The following GPM6A variants were observed in gnomAD, a reference collection of about 807,000 sequenced individuals.
The protein encoded by GPM6A is neuronal membrane glycoprotein M6-a.
GPM6A carries 7 observed loss-of-function variants against 32.1 expected under a neutral mutation model. The ratio of observed to expected loss-of-function variants is 0.22; its 90% CI spans 0.12 to 0.41. The LOEUF (loss-of-function observed/expected upper bound fraction) is 0.41, where lower values mean the gene tolerates loss of function less well. Among genes scored for constraint, GPM6A ranks in the 10% least tolerant of loss-of-function variants. GPM6A has a pLI of 1.00. For missense variants in GPM6A, 235 were observed against 347.2 expected (o/e 0.68, Z 2.57); for synonymous variants, 130 against 123.4 (o/e 1.05, Z -0.35).
At chr4:175,758,352 C>G (rs1579466515) in intron 1 of GPM6A, among the ~76,000 whole-genome samples, 1 of 152,108 alleles carries the variant, frequency 6.6e-6, no homozygotes, top group African/African-American at 2.4e-5. Flanking sequence ...TCAACAGTAG[C>G]ATTTTTACGA....
chr4:175,816,832 A>C (rs888328034), upstream of GPM6A, among the ~76,000 whole-genome samples: 3 of 151,498 alleles, frequency 2.0e-5, no homozygotes, highest in Non-Finnish European at 2.9e-5. Flanking sequence ...TCAGAAACTG[A>C]CTTTCATAAC....
At chr4:175,921,562 C>T (rs560662846) in intron 1 of GPM6A, among the ~76,000 whole-genome samples, 7 of 152,170 alleles carry the variant, frequency 4.6e-5, no homozygotes, top group Admixed American at 2.0e-4. Context: ...TCATAACCTG[C>T]TAAATAAGAT....
chr4:175,833,594 G>A (rs1449007076), intron 1 of GPM6A, among the ~76,000 whole-genome samples: 1 of 152,092 alleles, frequency 6.6e-6, no homozygotes, highest in Non-Finnish European at 1.5e-5. Context: ...TCAGCTTCGT[G>A]TTGTTCCCAG....
In GPM6A at chr4:175,771,481, G is replaced by C. The variant is rs571536049; in HGVS notation, c.37+40710C>G. On this transcript the variant is annotated intron_variant, in intron 1 of 6. Transcript: ENST00000393658. ...AGCTACTGAGGAGGCTGAGGCGGGA[G>C]AATCACTTGAACCTGGGAGGCAGAG... Among the ~76,000 whole-genome samples, 296 of 144,752 alleles carry C rather than the reference G, an allele frequency of 2.0e-3. 1 individual carries two copies. Among genetic ancestry groups the C allele is most frequent in the Non-Finnish European group, 3.0e-3 (198 of 67,062 alleles). 95.0% of individuals were successfully genotyped at this position (144,752 alleles called of 152,430 possible).
chr4:175,681,280 T>G (rs1486177192), intron 2 of GPM6A, among the ~76,000 whole-genome samples: 1 of 152,186 alleles, frequency 6.6e-6, no homozygotes, highest in African/African-American at 2.4e-5. Flanking sequence ...AGCTTTTAAA[T>G]TGTTGCTAAT....
intron 1 of GPM6A, among the ~76,000 whole-genome samples, chr4:175,838,997 A>G (rs576848722): frequency 6.6e-6 from 1 of 152,148 alleles, no homozygotes; most frequent in East Asian, 1.9e-4. Flanking sequence ...AATGGATCTG[A>G]CTTCAGGAAT....
chr4:175,787,315 C>G, intron 1 of GPM6A: 1 of 1,460,456 alleles, frequency 6.8e-7, no homozygotes, highest in Non-Finnish European at 9.3e-7. Context: ...ATACTCCCAC[C>G]AAAGTCACCC....
intron 1 of GPM6A, among the ~76,000 whole-genome samples, chr4:175,848,519 G>T (rs1438770139): frequency 2.0e-5 from 3 of 152,076 alleles, no homozygotes; most frequent in African/African-American, 7.2e-5. Flanking sequence ...AGTTGTAATA[G>T]ATGCCTTTAG....
intron 6 of GPM6A, among the ~76,000 whole-genome samples, chr4:175,637,310 A>AT (rs1740751028): frequency 2.0e-4 from 5 of 25,464 alleles, no homozygotes; most frequent in African/African-American, 6.7e-4. Flanking sequence ...TATATTATAT[A>AT]TAATATAAAA....
chr4:175,887,799 G>A (rs1737510549), intron 1 of GPM6A, among the ~76,000 whole-genome samples: 1 of 151,826 alleles, frequency 6.6e-6, no homozygotes, highest in Admixed American at 6.6e-5. Flanking sequence ...GTTTCAAAAT[G>A]AAATAGCAAG....
chr4:175,747,127 G>A (rs974079276), intron 1 of GPM6A, among the ~76,000 whole-genome samples: 9 of 151,818 alleles, frequency 5.9e-5, no homozygotes, highest in African/African-American at 2.2e-4. Context: ...AAAATTAGCT[G>A]GGCGTGGTGA....
chr4:175,693,582 A>G (rs34584077), intron 2 of GPM6A, among the ~76,000 whole-genome samples: 26,145 of 151,926 alleles, frequency 0.17, 2,920 homozygotes, highest in Non-Finnish European at 0.24. Flanking sequence ...TCTTTTTTGA[A>G]AAGATTTTTG....
chr4:175,901,593 T>C (rs1737967919), intron 1 of GPM6A, among the ~76,000 whole-genome samples: 2 of 150,876 alleles, frequency 1.3e-5, no homozygotes, highest in African/African-American at 4.8e-5. Flanking sequence ...ATAACTATTT[T>C]AGAAAAAGCT....
intron 1 of GPM6A, among the ~76,000 whole-genome samples, chr4:175,994,766 C>T (rs2126466756): frequency 6.6e-6 from 1 of 152,242 alleles, no homozygotes; most frequent in Admixed American, 6.5e-5. Flanking sequence ...CATCAACTGA[C>T]TCTTCCTTTC....
chr4:175,664,371 T>G (rs1742615904), intron 3 of GPM6A, among the ~76,000 whole-genome samples: 1 of 152,204 alleles, frequency 6.6e-6, no homozygotes. Flanking sequence ...GTAGGTTTGT[T>G]GATTGTAACA....
chr4:175,990,005 G>A (rs774314726), intron 1 of GPM6A, among the ~76,000 whole-genome samples: 38 of 152,116 alleles, frequency 2.5e-4, no homozygotes, highest in Non-Finnish European at 3.5e-4. Context: ...GTTGACAGAA[G>A]TCATACCAGA....
chr4:175,834,370 C>T (rs967593587), intron 1 of GPM6A, among the ~76,000 whole-genome samples: 1 of 152,134 alleles, frequency 6.6e-6, no homozygotes. Context: ...TGCTTGTTTG[C>T]ATGGGTGGTT....
chr4:175,773,210 G>T (rs902961233), intron 1 of GPM6A, among the ~76,000 whole-genome samples: 4 of 152,180 alleles, frequency 2.6e-5, no homozygotes, highest in Non-Finnish European at 4.4e-5. Context: ...TTTTCTATAT[G>T]TGAGGCTTCT....
chr4:175,889,944 AAC>A (rs1169402657), intron 1 of GPM6A, among the ~76,000 whole-genome samples: 2 of 152,234 alleles, frequency 1.3e-5, no homozygotes, highest in Non-Finnish European at 2.9e-5. Context: ...AACATGTGAA[AAC>A]ACACTACAAA....
Sources: allele counts gnomAD v4.1 joint callset (sites outside exome capture counted in the v4.1 genomes callset), GRCh38; gene constraint gnomAD v4.1.1; transcripts MANE v1.5; gene names NCBI Gene and HGNC (gene_info 2026-07-23, HGNC 2026-07-21).